LUZP2: variants seen among roughly 807,000 people sequenced by gnomAD.
The protein encoded by LUZP2 is leucine zipper protein 2.
A neutral mutation model predicts 51.6 loss-of-function variants in LUZP2; 52 were observed. That is an observed-to-expected ratio of 1.01 (90% CI 0.81 to 1.27). LUZP2 has a LOEUF of 1.27. LUZP2 is among the 50% of genes most tolerant of loss of function. LUZP2 has a pLI of 0.00. For missense variants in LUZP2, 436 were observed against 395.4 expected (o/e 1.10, Z -0.87); for synonymous variants, 154 against 137.3 (o/e 1.12, Z -0.85).
chr11:24,754,618 T>A (rs1215080440), intron 4 of LUZP2, among the ~76,000 whole-genome samples: 1 of 152,194 alleles, frequency 6.6e-6, no homozygotes, highest in East Asian at 1.9e-4. Context: ...CAATCCCATT[T>A]GGCTTGCATA....
intron 7 of LUZP2, among the ~76,000 whole-genome samples, chr11:24,916,904 G>C (rs1327247866): frequency 2.0e-5 from 3 of 152,134 alleles, no homozygotes; most frequent in Admixed American, 2.0e-4. Flanking sequence ...CTGAGGAATG[G>C]CCACACTGTC....
At chr11:25,071,641 G>A (rs1859160673) in intron 10 of LUZP2, among the ~76,000 whole-genome samples, 1 of 151,582 alleles carries the variant, frequency 6.6e-6, no homozygotes, top group South Asian at 2.1e-4. Flanking sequence ...TACACAGGGT[G>A]GGGAACATCA....
At chr11:24,540,322 TGATGGTATTTGGA>T (rs1034115028) in intron 1 of LUZP2, among the ~76,000 whole-genome samples, 1 of 152,116 alleles carries the variant, frequency 6.6e-6, no homozygotes, top group Admixed American at 6.6e-5. Flanking sequence ...CCCTCCAATA[TGATGGTATTTGGA>T]GATGGGGCCT....
intron 1 of LUZP2, among the ~76,000 whole-genome samples, chr11:24,590,153 T>A (rs184090451): frequency 6.6e-6 from 1 of 152,274 alleles, no homozygotes; most frequent in East Asian, 1.9e-4. Flanking sequence ...AGTAGAATCA[T>A]CTCCTCACAC....
chr11:24,813,726 C>T lies in LUZP2; in HGVS notation c.396+50418C>T, dbSNP rs1197323132. Reference sequence around the variant, plus strand: ...GTGAGGACAAATATCCAAACTATATCAGAGCCTTTGCTCCAGACATGCTAA... The same window carrying T: ...GTGAGGACAAATATCCAAACTATATTAGAGCCTTTGCTCCAGACATGCTAA... On this transcript the variant is annotated intron_variant, in intron 5 of 11. Transcript: ENST00000336930. Among the ~76,000 whole-genome samples, 6 of 152,250 alleles carry T rather than the reference C, an allele frequency of 3.9e-5. No individual in the cohort carries two copies. In the East Asian group the frequency reaches 1.2e-3, roughly 29 times the overall value.
At chr11:24,540,448 T>A (rs888785793) in intron 1 of LUZP2, among the ~76,000 whole-genome samples, 7 of 152,066 alleles carry the variant, frequency 4.6e-5, no homozygotes, top group Non-Finnish European at 1.5e-5. Flanking sequence ...TTGCTCTCTC[T>A]CTGTCTGTCA....
chr11:24,942,619 A>G (rs139050896), intron 7 of LUZP2, among the ~76,000 whole-genome samples: 1 of 152,312 alleles, frequency 6.6e-6, no homozygotes, highest in East Asian at 1.9e-4. Context: ...TATTCTAAAT[A>G]ATAGTTCTTT....
intron 1 of LUZP2, among the ~76,000 whole-genome samples, chr11:24,621,856 A>G (rs910005378): frequency 9.9e-5 from 15 of 152,012 alleles, no homozygotes; most frequent in Non-Finnish European, 1.9e-4. Flanking sequence ...TCATTCTGGT[A>G]TGCCTTGTAG....
At position 24,611,600 on chromosome 11, in the gene LUZP2, T is replaced by TA. The variant is rs551672234; in HGVS notation, c.62+114296dup. Among the ~76,000 whole-genome samples, 22 of 152,228 alleles carry TA rather than the reference T, an allele frequency of 1.4e-4. No individual in the cohort carries two copies. In the East Asian group the frequency reaches 3.9e-3, roughly 27 times the overall value. ...GTTACTGGAAAGTAAAAATGGAACT[T>TA]ACGAGACTATGGAGATGGTTTTCTT... On this transcript the variant is annotated intron_variant, in intron 1 of 11. Transcript: ENST00000336930. The surrounding 1 kb of genome is among the most constrained non-coding windows in gnomAD (Gnocchi z 4.6).
chr11:24,850,636 G>GT (rs1375191650), intron 5 of LUZP2, among the ~76,000 whole-genome samples: 1 of 152,100 alleles, frequency 6.6e-6, no homozygotes, highest in African/African-American at 2.4e-5. Context: ...ATTTAAAGTA[G>GT]TTTTTTCTAA....
At chr11:24,548,575 A>G (rs1458907868) in intron 1 of LUZP2, among the ~76,000 whole-genome samples, 1 of 151,970 alleles carries the variant, frequency 6.6e-6, no homozygotes, top group Admixed American at 6.6e-5. Context: ...GAGGACGATG[A>G]GAATTGAAAA....
intron 1 of LUZP2, among the ~76,000 whole-genome samples, chr11:24,614,923 G>A (rs545776185): frequency 6.6e-6 from 1 of 151,986 alleles, no homozygotes; most frequent in East Asian, 1.9e-4. Flanking sequence ...CCAGAACAGT[G>A]TTAATGGAAT....
At chr11:25,077,116 CACTGTGATCCCCA>C (rs1438895186) in intron 10 of LUZP2, among the ~76,000 whole-genome samples, 200 bp from the exon 11 acceptor site, 1 of 152,076 alleles carries the variant, frequency 6.6e-6, no homozygotes, top group African/African-American at 2.4e-5. Flanking sequence ...CCATAAGCAC[CACTGTGATCCCCA>C]AACCAGTCAG....
intron 7 of LUZP2, among the ~76,000 whole-genome samples, chr11:24,938,761 A>G (rs982118250): frequency 6.6e-6 from 1 of 152,230 alleles, no homozygotes; most frequent in African/African-American, 2.4e-5. Flanking sequence ...CTGCAGGAGT[A>G]CGGTAGCAAT....
intron 9 of LUZP2, among the ~76,000 whole-genome samples, chr11:24,995,199 C>G (rs1206690096): frequency 6.6e-6 from 1 of 152,032 alleles, no homozygotes; most frequent in Non-Finnish European, 1.5e-5. Flanking sequence ...ATGAGACCAG[C>G]CTGGGCAACA....
intron 1 of LUZP2, among the ~76,000 whole-genome samples, chr11:24,582,788 G>T (rs954653598): frequency 1.3e-5 from 2 of 151,808 alleles, no homozygotes; most frequent in African/African-American, 4.8e-5. Flanking sequence ...ATTGGTAATT[G>T]GGAATTTAAA....
chr11:24,513,358 C>T (rs1850369945), intron 1 of LUZP2, among the ~76,000 whole-genome samples: 1 of 152,110 alleles, frequency 6.6e-6, no homozygotes. Flanking sequence ...TGATGGTTAG[C>T]CTTCATCCTT....
chr11:24,989,981 C>A (rs748750773), intron 9 of LUZP2, among the ~76,000 whole-genome samples: 2 of 152,040 alleles, frequency 1.3e-5, no homozygotes, highest in Non-Finnish European at 2.9e-5. Flanking sequence ...CAATTGTCAT[C>A]TGTCTCCATT....
Position 24,611,282 on chromosome 11 carries a change from A to C in LUZP2, c.62+113977A>C, listed in dbSNP as rs1224225323. On this transcript the variant is annotated intron_variant, in intron 1 of 11. Coordinates refer to ENST00000336930, the MANE Select transcript of LUZP2 (RefSeq NM_001009909.4). The surrounding 1 kb of genome is among the most constrained non-coding windows in gnomAD (Gnocchi z 4.6). ...CAAGCAACTCAAAGCTTAAGGGAGCAAAATAATAACAAAAATGCTTCTACA... is the reference window on the plus strand; with the variant it reads ...CAAGCAACTCAAAGCTTAAGGGAGCCAAATAATAACAAAAATGCTTCTACA... Among the ~76,000 whole-genome samples the C allele has an allele frequency of 6.6e-6, 1 of 152,182 alleles. No homozygotes were observed.
Sources: allele counts gnomAD v4.1 joint callset (sites outside exome capture counted in the v4.1 genomes callset), GRCh38; gene constraint gnomAD v4.1.1; non-coding constraint Gnocchi (gnomAD v3.1); transcripts MANE v1.5; gene names NCBI Gene and HGNC (gene_info 2026-07-23, HGNC 2026-07-21).